The following TMEM131L variants were observed in gnomAD, a reference collection of about 807,000 sequenced individuals.
The protein encoded by TMEM131L is transmembrane protein 131-like.
A neutral mutation model predicts 192.2 loss-of-function variants in TMEM131L; 54 were observed. That is an observed-to-expected ratio of 0.28 (90% CI 0.23 to 0.35). The LOEUF (loss-of-function observed/expected upper bound fraction) is 0.35, where lower values mean the gene tolerates loss of function less well. Among genes scored for constraint, TMEM131L ranks in the 10% least tolerant of loss-of-function variants. The pLI, the probability that TMEM131L is intolerant of heterozygous loss-of-function variation, is 1.00. For missense variants in TMEM131L, 1,888 were observed against 1,972.9 expected, an observed-to-expected ratio of 0.96 and a Z score of 0.82; for synonymous variants, 701 against 704.9, an observed-to-expected ratio of 0.99 and a Z score of 0.09.
chr4:153,564,343 GC>G (rs1729056238), intron 7 of TMEM131L, among the ~76,000 whole-genome samples: 1 of 145,150 alleles, frequency 6.9e-6, no homozygotes, highest in East Asian at 2.0e-4. Flanking sequence ...TGCCCCTTCT[GC>G]CATTTGAGGA....
At chr4:153,548,793 T>C (rs780613042) in intron 3 of TMEM131L, among the ~76,000 whole-genome samples, 4 of 152,068 alleles carry the variant, frequency 2.6e-5, no homozygotes, top group Non-Finnish European at 5.9e-5. Context: ...CTCTGCATTG[T>C]TTGTACCTTC....
intron 3 of TMEM131L, among the ~76,000 whole-genome samples, chr4:153,483,697 TAAA>T (rs1732106620): frequency 1.3e-5 from 2 of 151,900 alleles, no homozygotes; most frequent in Admixed American, 1.3e-4. Context: ...TCTCTAAAAA[TAAA>T]AAAAGGCTAT....
chr4:153,504,647 TAATATAAATTTTCTTATA>T (rs1733865551), intron 3 of TMEM131L, among the ~76,000 whole-genome samples: 1 of 152,212 alleles, frequency 6.6e-6, no homozygotes, highest in Non-Finnish European at 1.5e-5. Context: ...GTCTGAGTTG[TAATATAAATTTTCTTATA>T]AATAATGATT....
chr4:153,485,135 A>G (rs1435119502), intron 3 of TMEM131L, among the ~76,000 whole-genome samples: 1 of 151,576 alleles, frequency 6.6e-6, no homozygotes, highest in Admixed American at 6.6e-5. Context: ...AAAAAAAAAA[A>G]AAAAAAAAAA....
chr4:153,563,487 A>C (rs989205361), intron 7 of TMEM131L, among the ~76,000 whole-genome samples: 9 of 30,812 alleles, frequency 2.9e-4, no homozygotes, highest in African/African-American at 1.1e-3. Context: ...TTTTTTTTTG[A>C]GACAGGGTCT....
At chr4:153,473,666 C>T (rs190469185) in intron 2 of TMEM131L, among the ~76,000 whole-genome samples, 179 bp from the exon 3 acceptor site, 84 of 152,260 alleles carry the variant, frequency 5.5e-4, no homozygotes, top group African/African-American at 1.9e-3. Context: ...GTGGCATGTG[C>T]CTATAGTCCC....
intron 31 of TMEM131L, 110 bp downstream of exon 31, chr4:153,627,797 T>C (rs750870947): frequency 5.1e-6 from 4 of 791,740 alleles, no homozygotes; most frequent in East Asian, 5.4e-5. Context: ...CAGGGCCATT[T>C]CCCCACCAGC....
chr4:153,586,965 A>C (rs1730741055), intron 14 of TMEM131L, among the ~76,000 whole-genome samples: 1 of 151,940 alleles, frequency 6.6e-6, no homozygotes, highest in South Asian at 2.1e-4. Context: ...TTTTTGCTCC[A>C]AGCTATTTTG....
intron 29 of TMEM131L, among the ~76,000 whole-genome samples, chr4:153,624,128 A>ATT (rs147130615): frequency 1.7e-5 from 2 of 117,286 alleles, no homozygotes; most frequent in East Asian, 2.2e-4. Flanking sequence ...TTAATTATTT[A>ATT]TTTTTTTTTT....
chr4:153,514,876 A>G (rs1374004465), intron 3 of TMEM131L, among the ~76,000 whole-genome samples: 1 of 151,624 alleles, frequency 6.6e-6, no homozygotes, highest in Non-Finnish European at 1.5e-5. Context: ...GTGGTGACGC[A>G]ATCGTGGCTC....
chr4:153,547,788 A>G (rs1336557209), intron 3 of TMEM131L, among the ~76,000 whole-genome samples: 1 of 152,184 alleles, frequency 6.6e-6, no homozygotes, highest in East Asian at 1.9e-4. Context: ...CATGTTTCCC[A>G]CTTCCACAGA....
chr4:153,558,254 G>A lies in TMEM131L; in HGVS notation c.550-4G>A, dbSNP rs117476510. 1,233 of 1,491,238 alleles carry A rather than the reference G, an allele frequency of 8.3e-4. 14 individuals carry two copies. In the East Asian group the frequency reaches 0.023, roughly 28 times the overall value. The allele number at this position is 1,491,238 out of a possible 1,614,324, so 92.4% of individuals were successfully genotyped here. On this transcript the variant is annotated splice_region_variant and splice_polypyrimidine_tract_variant and intron_variant, in intron 6 of 34. Transcript: ENST00000409959. ...GAGGAGCAATTCTCTCTCTTTTTCC[G>A]CAGGTATCTGGAATTGGCACTCGTA...
In TMEM131L at chr4:153,604,076, T is replaced by G. The variant is rs1418715053; in HGVS notation, c.3064T>G (p.Cys1022Gly). Residue 1022 changes from cysteine (C) to glycine (G), a missense_variant, in exon 25 of 35, where the codon TGC becomes GGC. Transcript: ENST00000409959. ...SSLPAAKEDI[C>G]TDAMRENWIS... ...ACTGCCTGCTGCTAAAGAGGACATT[T>G]GCACTGATGCCATGCGTGAGAACTG... 8.1e-6 allele frequency: 13 copies of G among 1,614,194 alleles called. No homozygotes were observed. Among genetic ancestry groups the G allele is most frequent in the Admixed American group, 1.7e-5 (1 of 60,018 alleles).
At chr4:153,588,341 T>G (rs1354680424) in intron 15 of TMEM131L, among the ~76,000 whole-genome samples, 1 of 150,032 alleles carries the variant, frequency 6.7e-6, no homozygotes, top group Non-Finnish European at 1.5e-5. Flanking sequence ...AGTATAGTTT[T>G]TTTTTTTTTT....
chr4:153,572,518 A>G lies in TMEM131L; in HGVS notation c.661-8308A>G, dbSNP rs924937886. 4.6e-5 allele frequency among the ~76,000 whole-genome samples: 7 copies of G among 151,826 alleles called. No homozygotes were observed. In the East Asian group the frequency reaches 1.2e-3, roughly 25 times the overall value. ...GCTAATTTTTGTAATTTTAGTAGAGATGGGGTTTCACCATGTTGGTCAGGC... is the reference window on the plus strand; with the variant it reads ...GCTAATTTTTGTAATTTTAGTAGAGGTGGGGTTTCACCATGTTGGTCAGGC... On this transcript the variant is annotated intron_variant, in intron 7 of 34. Transcript: ENST00000409959.
rs1369067628 is a variant in TMEM131L at position 153,635,679 on chromosome 4, C to G, written c.4557+108C>G. ...GCTTTAGCGTTGGGTTTGGACCAGC[C>G]AAAGCCTGGCTTGCTTCTTTTAGAT... is the stretch of plus-strand genomic sequence containing the variant. On this transcript the variant is annotated intron_variant, in intron 34 of 34. Coordinates refer to ENST00000409959, the MANE Select transcript of TMEM131L (RefSeq NM_001131007.2). The G allele has an allele frequency of 2.4e-6, 3 of 1,268,300 alleles. No individual in the cohort carries two copies. In the African/African-American group the frequency reaches 4.5e-5, roughly 19 times the overall value. The allele number at this position is 1,268,300 out of a possible 1,614,324, so 78.6% of individuals were successfully genotyped here.
At chr4:153,601,576 G>A (rs753876711) in intron 21 of TMEM131L, among the ~76,000 whole-genome samples, 22 of 152,212 alleles carry the variant, frequency 1.4e-4, no homozygotes, top group Non-Finnish European at 3.1e-4. Flanking sequence ...GTCCTTATGT[G>A]GGATAGATTG....
At chr4:153,621,228 A>T (rs1372552677) in intron 27 of TMEM131L, among the ~76,000 whole-genome samples, 1 of 152,170 alleles carries the variant, frequency 6.6e-6, no homozygotes, top group Non-Finnish European at 1.5e-5. Context: ...AGAGAAAACC[A>T]CGGGGCACAG....
chr4:153,630,602 C>G (rs929728396), intron 31 of TMEM131L, among the ~76,000 whole-genome samples: 1 of 152,226 alleles, frequency 6.6e-6, no homozygotes, highest in Admixed American at 6.5e-5. Flanking sequence ...TTCCAGGGAC[C>G]AGGTGCTGTC....
Sources: allele counts gnomAD v4.1 joint callset (sites outside exome capture counted in the v4.1 genomes callset), GRCh38; gene constraint gnomAD v4.1.1; transcripts MANE v1.5; gene names NCBI Gene and HGNC (gene_info 2026-07-23, HGNC 2026-07-21).